Variants in PTPRT observed in about 807,000 individuals in gnomAD.
PTPRT encodes the protein receptor-type tyrosine-protein phosphatase T.
PTPRT carries 56 observed loss-of-function variants against 176.8 expected under a neutral mutation model. The observed-to-expected ratio is 0.32, with a 90% CI of 0.26 to 0.40. PTPRT has a LOEUF of 0.40. Among genes scored for constraint, PTPRT ranks in the 10% least tolerant of loss-of-function variants. The pLI, the probability that PTPRT is intolerant of heterozygous loss-of-function variation, is 1.00. For missense variants in PTPRT, 1,540 were observed against 1,908.2 expected (o/e 0.81, Z 3.60); for synonymous variants, 783 against 739.0 (o/e 1.06, Z -0.96).
intron 1 of PTPRT, among the ~76,000 whole-genome samples, chr20:42,983,374 T>C (rs6130270): frequency 0.039 from 5,996 of 152,258 alleles, 246 homozygotes; most frequent in East Asian, 0.21. Context: ...AGCTAAGCAC[T>C]CTACATCCTC....
Position 42,102,204 on chromosome 20 carries a change from G to A in PTPRT, c.3634C>T (p.Leu1212=), listed in dbSNP as rs542883658. ...NHDKNRSMDV[L]PLDRCLPFLI... ...AAGGGCAGGCAGCGGTCCAGAGGCA[G>A]CACGTCCATACTTCGATTCTTATCA... is the stretch of plus-strand genomic sequence containing the variant. Residue 1212 remains leucine, a synonymous_variant, in exon 26 of 31, where the codon CTG becomes TTG. Transcript: ENST00000373187. 11 of 1,614,200 alleles carry A rather than the reference G, an allele frequency of 6.8e-6. No homozygotes were observed. In the African/African-American group the frequency reaches 1.5e-4, roughly 22 times the overall value.
At chr20:42,066,212 T>TG in the PTPRT span, among the ~76,000 whole-genome samples, 1 of 151,706 alleles carries the variant, frequency 6.6e-6, no homozygotes, top group African/African-American at 2.4e-5. Flanking sequence ...CTGATTTTTT[T>TG]TGTATTTTTA....
intron 4 of PTPRT, among the ~76,000 whole-genome samples, chr20:42,773,431 T>C (rs1284691767): frequency 6.6e-6 from 1 of 152,064 alleles, no homozygotes; most frequent in Non-Finnish European, 1.5e-5. Context: ...CCCCAAAAAA[T>C]CCAGGAAGTG....
rs568489369 is a variant in PTPRT, at chr20:42,598,134, T to TA, written c.1153+79731dup. Among the ~76,000 whole-genome samples the TA allele has an allele frequency of 6.0e-5, 9 of 151,140 alleles. No homozygotes were observed. The South Asian group carries it at 6.3e-4, about 11-fold the overall frequency. On this transcript the variant is annotated intron_variant, in intron 7 of 30. Coordinates refer to ENST00000373187, the MANE Select transcript of PTPRT (RefSeq NM_007050.6). The stretch of plus-strand genomic sequence containing the variant: ...TGCACATGGCCTATCGTATAGCTGT[T>TA]AAAAAAAAACACAAGTGATCAAAAG...
intron 6 of PTPRT, among the ~76,000 whole-genome samples, chr20:42,680,034 T>A (rs1156489542): frequency 6.6e-6 from 1 of 152,166 alleles, no homozygotes; most frequent in African/African-American, 2.4e-5. Context: ...ACAATGTGCA[T>A]TTGTTTGAGA....
At chr20:42,808,908 G>A (rs1441648691) in intron 2 of PTPRT, among the ~76,000 whole-genome samples, 2 of 152,192 alleles carry the variant, frequency 1.3e-5, no homozygotes, top group Non-Finnish European at 2.9e-5. Context: ...CCCTGCAGGG[G>A]CTCTCAGCTG....
intron 1 of PTPRT, among the ~76,000 whole-genome samples, chr20:43,078,163 T>C (rs1428178202): frequency 6.6e-6 from 1 of 152,238 alleles, no homozygotes; most frequent in East Asian, 1.9e-4. Context: ...ACAGAGTAAA[T>C]GACCAATCAG....
intron 6 of PTPRT, among the ~76,000 whole-genome samples, chr20:42,701,323 T>A (rs1207815949): frequency 1.3e-5 from 2 of 152,194 alleles, no homozygotes; most frequent in African/African-American, 4.8e-5. Context: ...AGGTCACTGA[T>A]GTAACAGTAG....
At chr20:42,543,906 G>A (rs183923465) in intron 7 of PTPRT, among the ~76,000 whole-genome samples, 1 of 152,096 alleles carries the variant, frequency 6.6e-6, no homozygotes, top group Admixed American at 6.6e-5. Context: ...TTATTTCTGA[G>A]GAGTTGGTCT....
At chr20:42,301,809 A>T (rs752106405) in intron 12 of PTPRT, among the ~76,000 whole-genome samples, 86 of 152,182 alleles carry the variant, frequency 5.7e-4, no homozygotes, top group Non-Finnish European at 6.9e-4. Flanking sequence ...ACTACCTTGA[A>T]AAAAAGGAGT....
At chr20:42,250,256 C>G (rs2146921404) in intron 13 of PTPRT, among the ~76,000 whole-genome samples, 1 of 152,336 alleles carries the variant, frequency 6.6e-6, no homozygotes, top group South Asian at 2.1e-4. Flanking sequence ...AGCACAGATT[C>G]TGACTGGTAA....
chr20:42,483,156 C>G (rs934465459), intron 7 of PTPRT, among the ~76,000 whole-genome samples: 3 of 152,102 alleles, frequency 2.0e-5, no homozygotes, highest in African/African-American at 7.2e-5. Flanking sequence ...CCACTTCTCT[C>G]CCAGTTTTCA....
At chr20:42,132,010 C>T (rs879346940) in intron 18 of PTPRT, among the ~76,000 whole-genome samples, 1 of 152,038 alleles carries the variant, frequency 6.6e-6, no homozygotes, top group Non-Finnish European at 1.5e-5. Flanking sequence ...GAGGCAGCAG[C>T]GGGGGTTTCA....
chr20:42,785,193 A>G (rs919050574), intron 3 of PTPRT, among the ~76,000 whole-genome samples: 1 of 152,238 alleles, frequency 6.6e-6, no homozygotes, highest in African/African-American at 2.4e-5. Flanking sequence ...AAGAAAAGGC[A>G]CATGTCGGGA....
chr20:42,099,857 G>C (rs2146223000), intron 26 of PTPRT, among the ~76,000 whole-genome samples: 1 of 152,260 alleles, frequency 6.6e-6, no homozygotes, highest in South Asian at 2.1e-4. Context: ...CTGGCCAGTA[G>C]AATGTTCAGA....
chr20:42,820,695 G>T (rs190788706), intron 2 of PTPRT, among the ~76,000 whole-genome samples: 173 of 150,060 alleles, frequency 1.2e-3, no homozygotes, highest in African/African-American at 4.1e-3. Flanking sequence ...GGAGAAAGAA[G>T]AATCAAATAA....
At position 42,904,811 on chromosome 20, in the gene PTPRT, T is replaced by C. The variant is rs185337064; in HGVS notation, c.89-18879A>G. Among the ~76,000 whole-genome samples, 384 of 152,120 alleles carry C rather than the reference T, an allele frequency of 2.5e-3. 1 individual carries two copies. The highest frequency in any genetic ancestry group is 8.8e-3 in the African/African-American group (364 of 41,498). ...TGACAAACCTGACAGAAACAAGAAA[T>C]GGGGAAAGGATCCCCTATTTAATAA... On this transcript the variant is annotated intron_variant, in intron 1 of 30. Transcript: ENST00000373187.
At chr20:43,046,025 A>C (rs557834918) in intron 1 of PTPRT, among the ~76,000 whole-genome samples, 1 of 152,152 alleles carries the variant, frequency 6.6e-6, no homozygotes, top group South Asian at 2.1e-4. Flanking sequence ...AAATGGGCTA[A>C]CACAGGGGAG....
chr20:42,472,153 T>C lies in PTPRT; in HGVS notation c.1450+113A>G, dbSNP rs555383062. 5.0e-6 allele frequency: 6 copies of C among 1,192,002 alleles called. No homozygotes were observed. The African/African-American group carries it at 7.6e-5, about 15-fold the overall frequency. The allele number at this position is 1,192,002 out of a possible 1,614,324, so 73.8% of individuals were successfully genotyped here. On this transcript the variant is annotated intron_variant, in intron 8 of 30. Coordinates refer to ENST00000373187, the MANE Select transcript of PTPRT (RefSeq NM_007050.6). Reference sequence around the variant, plus strand: ...TTGAAGGCCTAAGAAAAGAAAGGTGTGTGTGAGGGAATTAAAAATGTAGGA... The same window carrying C: ...TTGAAGGCCTAAGAAAAGAAAGGTGCGTGTGAGGGAATTAAAAATGTAGGA...
Sources: allele counts gnomAD v4.1 joint callset (sites outside exome capture counted in the v4.1 genomes callset), GRCh38; gene constraint gnomAD v4.1.1; transcripts MANE v1.5; gene names NCBI Gene and HGNC (gene_info 2026-07-23, HGNC 2026-07-21).